CADM2: variants seen among roughly 807,000 people sequenced by gnomAD.
CADM2 encodes cell adhesion molecule 2, also known as immunoglobulin superfamily member 4D.
A neutral mutation model predicts 49.8 loss-of-function variants in CADM2; 12 were observed. That is an observed-to-expected ratio of 0.24 (90% CI 0.15 to 0.39). The LOEUF is 0.39. Ranked by LOEUF, CADM2 falls within the 10% of genes least tolerant of loss-of-function variation. CADM2 has a pLI of 1.00. For synonymous variants in CADM2, 214 were observed against 175.4 expected (o/e 1.22, Z -1.74); for missense variants, 378 against 492.3 (o/e 0.77, Z 2.20).
At chr3:85,992,453 A>G (rs1469579935) in intron 8 of CADM2, 1 of 152,134 alleles carries the variant, frequency 6.6e-6, no homozygotes, top group African/African-American at 2.4e-5. Context: ...GTTGTTAGGT[A>G]TAAAACTATA....
chr3:85,882,203 A>G (rs1050381750), intron 3 of CADM2, among the ~76,000 whole-genome samples: 1 of 132,610 alleles, frequency 7.5e-6, no homozygotes, highest in Non-Finnish European at 1.5e-5. Flanking sequence ...ACACACTGCT[A>G]GAGCTGCTTA....
chr3:85,355,335 G>C (rs2031764108), intron 1 of CADM2, among the ~76,000 whole-genome samples: 1 of 152,068 alleles, frequency 6.6e-6, no homozygotes, highest in Non-Finnish European at 1.5e-5. Flanking sequence ...TATGAAAAGA[G>C]AATACTGAGG....
chr3:85,012,671 T>C (rs2034053751), intron 1 of CADM2, among the ~76,000 whole-genome samples: 1 of 151,074 alleles, frequency 6.6e-6, no homozygotes, highest in Non-Finnish European at 1.5e-5. Context: ...AAAGAAAATA[T>C]AAAGTCCAGC....
At chr3:85,029,865 C>A (rs1182979771) in intron 1 of CADM2, among the ~76,000 whole-genome samples, 3 of 152,176 alleles carry the variant, frequency 2.0e-5, no homozygotes, top group Non-Finnish European at 4.4e-5. Flanking sequence ...TAGGACATTT[C>A]TCATGTTCCT....
intron 1 of CADM2, among the ~76,000 whole-genome samples, chr3:85,647,660 A>G (rs2064927375): frequency 6.6e-6 from 1 of 151,834 alleles, no homozygotes; most frequent in South Asian, 2.1e-4. Context: ...TCTGTATTAA[A>G]TCCCCACATA....
intron 3 of CADM2, among the ~76,000 whole-genome samples, chr3:85,844,573 T>C (rs1577457202): frequency 6.6e-6 from 1 of 152,168 alleles, no homozygotes; most frequent in Non-Finnish European, 1.5e-5. Context: ...TGCAACACTT[T>C]CTGAAGTAAA....
intron 1 of CADM2, among the ~76,000 whole-genome samples, chr3:85,323,070 C>CT (rs749485339): frequency 2.0e-5 from 3 of 152,052 alleles, no homozygotes; most frequent in Non-Finnish European, 2.9e-5. Flanking sequence ...AAACTGTTTT[C>CT]TTTTTTTCCG....
intron 1 of CADM2, among the ~76,000 whole-genome samples, chr3:85,440,920 TGCAG>T (rs1382806638): frequency 2.0e-5 from 3 of 152,076 alleles, no homozygotes; most frequent in African/African-American, 7.2e-5. Flanking sequence ...AGTTGGAGGT[TGCAG>T]TGAGCCAGCC....
chr3:85,121,398 C>T (rs1425025761), intron 1 of CADM2, among the ~76,000 whole-genome samples: 4 of 152,098 alleles, frequency 2.6e-5, no homozygotes, highest in African/African-American at 9.7e-5. Context: ...TCCTGTATGT[C>T]TCCAGGGAAA....
rs1422262766 is a variant in CADM2 at position 85,553,238 on chromosome 3, G to T, written c.62-173284G>T. Among the ~76,000 whole-genome samples, 7 of 152,220 alleles carry T rather than the reference G, an allele frequency of 4.6e-5. No individual in the cohort carries two copies. In the East Asian group the frequency reaches 1.2e-3, roughly 25 times the overall value. On this transcript the variant is annotated intron_variant, in intron 1 of 9. Coordinates refer to ENST00000383699, the MANE Select transcript of CADM2 (RefSeq NM_001167675.2). The stretch of plus-strand genomic sequence containing the variant: ...AAGAGTTATTAATGATGATAATGAT[G>T]ATGATGCCTGCTTACCAAGCATCTA...
intron 6 of CADM2, among the ~76,000 whole-genome samples, chr3:85,920,935 A>G (rs922896046): frequency 2.0e-5 from 3 of 151,768 alleles, no homozygotes; most frequent in Admixed American, 6.6e-5. Flanking sequence ...GTACGCATTT[A>G]TAAAACTTTT....
intron 1 of CADM2, among the ~76,000 whole-genome samples, chr3:85,705,086 T>G (rs2066900802): frequency 6.6e-6 from 1 of 150,464 alleles, no homozygotes; most frequent in South Asian, 2.1e-4. Context: ...CTGGATGGTC[T>G]CGATCTCCTG....
At chr3:85,145,547 A>T (rs1360212481) in intron 1 of CADM2, among the ~76,000 whole-genome samples, 3 of 151,982 alleles carry the variant, frequency 2.0e-5, no homozygotes, top group Non-Finnish European at 4.4e-5. Context: ...GGATTATCAT[A>T]ACTTTTGAAA....
chr3:85,568,857 C>T (rs2107229997), intron 1 of CADM2, among the ~76,000 whole-genome samples: 1 of 152,096 alleles, frequency 6.6e-6, no homozygotes, highest in African/African-American at 2.4e-5. Context: ...ATCCGTCCAC[C>T]TCGGCCTTCC....
intron 8 of CADM2, among the ~76,000 whole-genome samples, chr3:85,965,188 C>A (rs903038968): frequency 1.3e-5 from 2 of 150,512 alleles, no homozygotes; most frequent in Non-Finnish European, 3.0e-5. Flanking sequence ...TACAATGTGG[C>A]AGATGTTCAC....
intron 3 of CADM2, among the ~76,000 whole-genome samples, chr3:85,836,255 G>C (rs1437239413): frequency 6.6e-6 from 1 of 151,550 alleles, no homozygotes; most frequent in Non-Finnish European, 1.5e-5. Context: ...GAGCTGAGAA[G>C]AGTTCTGGAA....
chr3:85,514,994 T>C (rs2060858576), intron 1 of CADM2, among the ~76,000 whole-genome samples: 1 of 152,164 alleles, frequency 6.6e-6, no homozygotes, highest in African/African-American at 2.4e-5. Flanking sequence ...TTCAAAGATA[T>C]ACTGTCCTTT....
intron 3 of CADM2, among the ~76,000 whole-genome samples, chr3:85,803,934 A>G (rs2072234347): frequency 6.6e-6 from 1 of 152,160 alleles, no homozygotes; most frequent in Non-Finnish European, 1.5e-5. Flanking sequence ...TATAAAATTT[A>G]CTGTCATGGA....
intron 6 of CADM2, among the ~76,000 whole-genome samples, chr3:85,923,480 T>C (rs9851502): frequency 0.66 from 98,946 of 149,676 alleles, 33,351 homozygotes; most frequent in African/African-American, 0.79. Flanking sequence ...ATTTCCTTCT[T>C]TTGCCATTAT....
Sources: gnomAD v4.1 joint callset for allele counts (sites outside exome capture counted in the v4.1 genomes callset) on GRCh38, gnomAD v4.1.1 for gene constraint, MANE v1.5 for transcripts, NCBI Gene and HGNC (gene_info 2026-07-23, HGNC 2026-07-21) for gene names.